Variants in KAT8 observed in about 807,000 individuals in gnomAD.
KAT8 encodes the protein histone acetyltransferase KAT8.
In KAT8, 40 loss-of-function variants were observed where a neutral mutation model predicts 62.9. The observed-to-expected ratio is 0.64, with a 90% CI of 0.49 to 0.83. The LOEUF (loss-of-function observed/expected upper bound fraction) is 0.83, where lower values mean the gene tolerates loss of function less well. Among genes scored for constraint, KAT8 ranks in the 40% least tolerant of loss-of-function variants. The pLI, the probability that KAT8 is intolerant of heterozygous loss-of-function variation, is 0.00. For synonymous variants in KAT8, 278 were observed against 254.5 expected (o/e 1.09, Z -0.88); for missense variants, 387 against 614.8 (o/e 0.63, Z 3.92).
Position 31,127,337 on chromosome 16 carries a change from G to A in KAT8, c.665G>A (p.Ser222Asn), listed in dbSNP as rs1203881408. ...YCLKYMKYEK[S>N]YRFHLGQCQW... ...CTCAAGTACATGAAATATGAGAAGA[G>A]CTACCGCTTCCACTTGGTGAGGCTG... The change falls in exon 5 of 11, where the codon AGC becomes AAC. Residue 222 changes from serine (S) to asparagine (N), a missense_variant. Physicochemically the swap from Ser to Asn is conservative, Grantham distance 46. This residue lies in a region of KAT8 where 141 missense variants were observed against 222.5 expected (regional missense o/e 0.63). Transcript: ENST00000219797. 1.1e-5 allele frequency: 17 copies of A among 1,614,194 alleles called. No individual in the cohort carries two copies. The highest frequency in any genetic ancestry group is 1.4e-5 in the Non-Finnish European group (17 of 1,180,038).
chr16:31,121,451 T>G (rs2057492799), intron 3 of KAT8, among the ~76,000 whole-genome samples: 1 of 152,070 alleles, frequency 6.6e-6, no homozygotes, highest in Non-Finnish European at 1.5e-5. Context: ...ATGACCTCAC[T>G]GACATTTCAC....
chr16:31,123,184 C>CA (rs1004445818), intron 3 of KAT8, among the ~76,000 whole-genome samples: 2 of 150,676 alleles, frequency 1.3e-5, no homozygotes, highest in Non-Finnish European at 3.0e-5. Context: ...AAGACTGTCT[C>CA]AAAAAAAAAT....
At chr16:31,129,216 C>T (rs1419384684) in intron 6 of KAT8, among the ~76,000 whole-genome samples, 2 of 152,166 alleles carry the variant, frequency 1.3e-5, no homozygotes, top group Non-Finnish European at 1.5e-5. Context: ...TTGTTATTAT[C>T]GGTGACCTCT....
chr16:31,128,266 G>A (rs2057548252), intron 6 of KAT8, 127 bp downstream of exon 6: 1 of 720,078 alleles, frequency 1.4e-6, no homozygotes, highest in Non-Finnish European at 2.4e-6. Context: ...GCCTCTGAGG[G>A]GCCGGGCACT....
At position 31,120,362 on chromosome 16, in the gene KAT8, G is replaced by A. The variant is rs749631762; in HGVS notation, c.310G>A (p.Val104Ile). The A allele has an allele frequency of 6.2e-7, 1 of 1,613,992 alleles. No homozygotes were observed. Among genetic ancestry groups the A allele is most frequent in the Non-Finnish European group, 8.5e-7 (1 of 1,179,852 alleles). ...VGFNRRLDEW[V>I]DKNRLALTKT... ...AGTTAACCGGCGGCTGGACGAGTGGGTAGACAAGAACCGGCTGGCGCTGAC... is the reference window on the plus strand; with the variant it reads ...AGTTAACCGGCGGCTGGACGAGTGGATAGACAAGAACCGGCTGGCGCTGAC... Residue 104 changes from valine to isoleucine, a missense_variant, in exon 3 of 11, where the codon GTA (valine) becomes ATA (isoleucine). Val to Ile is a conservative substitution (Grantham distance 29, BLOSUM62 3). Coordinates refer to ENST00000219797, the MANE Select transcript of KAT8 (RefSeq NM_032188.3).
intron 3 of KAT8, among the ~76,000 whole-genome samples, chr16:31,122,939 T>C (rs1423157948): frequency 6.6e-6 from 1 of 151,936 alleles, no homozygotes; most frequent in East Asian, 1.9e-4. Flanking sequence ...CCCAACACTT[T>C]GGGAGGCGGA....
rs760213124 is a variant in KAT8 at position 31,127,367 on chromosome 16, G to T, written c.681+14G>T. On this transcript the variant is annotated intron_variant, in intron 5 of 10. Transcript: ENST00000219797. The stretch of plus-strand genomic sequence containing the variant: ...CGCTTCCACTTGGTGAGGCTGGGCC[G>T]GCCGGGCCGAGCTGGGCAGGGGCCC... The T allele has an allele frequency of 1.9e-6, 3 of 1,613,270 alleles. No homozygotes were observed. In the African/African-American group the frequency reaches 4.0e-5, roughly 22 times the overall value.
At chr16:31,128,544 CAA>C (rs879752658) in intron 6 of KAT8, among the ~76,000 whole-genome samples, 1 of 140,962 alleles carries the variant, frequency 7.1e-6, no homozygotes, top group Non-Finnish European at 1.6e-5. Flanking sequence ...GAATCTGTCT[CAA>C]AAAAAAAAAA....
In KAT8 at chr16:31,127,281, A is replaced by G. The variant is rs377587464; in HGVS notation, c.609A>G (p.Lys203=). 2 of 1,614,242 alleles carry G rather than the reference A, an allele frequency of 1.2e-6. No homozygotes were observed. Among genetic ancestry groups the G allele is most frequent in the Non-Finnish European group, 1.7e-6 (2 of 1,180,024 alleles). The change falls in exon 5 of 11, where the codon AAA becomes AAG. Residue 203 remains lysine (K), a synonymous_variant. Coordinates refer to ENST00000219797, the MANE Select transcript of KAT8 (RefSeq NM_032188.3). ...CACCATTCCCCGAAGACTATGGGAA[A>G]CAGCCCAAGCTCTGGCTCTGCGAGT... ...YFSPFPEDYG[K]QPKLWLCEYC...
intron 3 of KAT8, among the ~76,000 whole-genome samples, chr16:31,124,254 G>C (rs116516993): frequency 1.7e-3 from 262 of 152,322 alleles, no homozygotes; most frequent in African/African-American, 6.1e-3. Context: ...TGTGACCTTG[G>C]GCAAGTGACC....
intron 10 of KAT8, 132 bp downstream of exon 10, chr16:31,131,032 G>T: frequency 2.0e-6 from 3 of 1,505,888 alleles, no homozygotes; most frequent in Non-Finnish European, 2.7e-6. Context: ...TGGAGCCCGG[G>T]GCAGGCCTCT....
At position 31,130,133 on chromosome 16, in the gene KAT8, C is replaced by G; in HGVS notation, c.888C>G (p.Ala296=). ...YILTEVDRQG[A]HIVGYFSKEK... ...TGACTGAGGTGGACCGGCAGGGGGCCCACATTGTTGGCTACTTCTCCAAGG... is the reference window on the plus strand; with the variant it reads ...TGACTGAGGTGGACCGGCAGGGGGCGCACATTGTTGGCTACTTCTCCAAGG... Residue 296 remains alanine (A), a synonymous_variant, in exon 7 of 11, where the codon GCC becomes GCG. Coordinates refer to ENST00000219797, the MANE Select transcript of KAT8 (RefSeq NM_032188.3). 1.2e-6 allele frequency: 2 copies of G among 1,609,786 alleles called. No individual in the cohort carries two copies. Among genetic ancestry groups the G allele is most frequent in the Non-Finnish European group, 1.7e-6 (2 of 1,177,876 alleles).
At chr16:31,122,810 G>A (rs1342182422) in intron 3 of KAT8, among the ~76,000 whole-genome samples, 2 of 152,034 alleles carry the variant, frequency 1.3e-5, no homozygotes, top group Non-Finnish European at 1.5e-5. Context: ...GAACCCGGGA[G>A]GTGGAGCTTG....
chr16:31,125,415 C>T (rs2057525550), intron 3 of KAT8, among the ~76,000 whole-genome samples: 1 of 151,894 alleles, frequency 6.6e-6, no homozygotes, highest in African/African-American at 2.4e-5. Flanking sequence ...AACAGCCTGG[C>T]CAACATGGCG....
At chr16:31,127,938 T>TG (rs2057545254) in intron 5 of KAT8, 112 bp from the exon 6 acceptor site, 15 of 754,018 alleles carry the variant, frequency 2.0e-5, no homozygotes, top group Non-Finnish European at 1.6e-5. Flanking sequence ...GGTGAAGTGT[T>TG]GAGGGGGGAA....
At chr16:31,121,727 T>C (rs2057495012) in intron 3 of KAT8, among the ~76,000 whole-genome samples, 1 of 152,118 alleles carries the variant, frequency 6.6e-6, no homozygotes, top group African/African-American at 2.4e-5. Flanking sequence ...TTTTCTTGTA[T>C]TGATACTTAA....
At chr16:31,126,990 T>G in intron 3 of KAT8, 45 bp from the exon 4 acceptor site, 1 of 1,609,486 alleles carries the variant, frequency 6.2e-7, no homozygotes, top group Non-Finnish European at 8.5e-7. Flanking sequence ...GACAGCCTGG[T>G]CACCACTTCT....
intron 5 of KAT8, 65 bp from the exon 6 acceptor site, chr16:31,127,985 G>A (rs1233279017): frequency 4.4e-6 from 5 of 1,138,292 alleles, no homozygotes; most frequent in Non-Finnish European, 6.7e-6. Flanking sequence ...GCATGCAGTG[G>A]TGGGTTGGGT....
At chr16:31,118,693 C>T (rs557961228) in intron 1 of KAT8, 5 of 152,148 alleles carry the variant, frequency 3.3e-5, no homozygotes, top group East Asian at 3.9e-4. Flanking sequence ...CTGGGAACTT[C>T]TGGAGGGCAG....
Sources: gnomAD v4.1 joint callset for allele counts (sites outside exome capture counted in the v4.1 genomes callset) on GRCh38, gnomAD v4.1.1 for gene constraint, gnomAD v4.1.1 regional missense constraint, MANE v1.5 for transcripts, NCBI Gene and HGNC (gene_info 2026-07-23, HGNC 2026-07-21) for gene names.